Variants in NEGR1 observed in about 807,000 individuals in gnomAD.
NEGR1 encodes the protein neuronal growth regulator 1.
NEGR1 carries 10 observed loss-of-function variants against 40.9 expected under a neutral mutation model. The ratio of observed to expected loss-of-function variants is 0.24; its 90% CI spans 0.15 to 0.42. The LOEUF (loss-of-function observed/expected upper bound fraction) is 0.42. NEGR1 is among the 10% of genes least tolerant of loss of function. The pLI is 1.00. For synonymous variants in NEGR1, 185 were observed against 166.8 expected (o/e 1.11, Z -0.84); for missense variants, 352 against 438.9 (o/e 0.80, Z 1.77).
intron 6 of NEGR1, among the ~76,000 whole-genome samples, chr1:71,558,734 T>C (rs1457339096): frequency 2.7e-5 from 4 of 149,400 alleles, no homozygotes; most frequent in Non-Finnish European, 4.5e-5. Context: ...TTTTTTTTTT[T>C]TTTTTTAGCA....
At chr1:71,902,486 T>C (rs1661167841) in intron 2 of NEGR1, among the ~76,000 whole-genome samples, 1 of 152,222 alleles carries the variant, frequency 6.6e-6, no homozygotes, top group African/African-American at 2.4e-5. Flanking sequence ...TAAAACCTGT[T>C]CTACCCATTG....
intron 6 of NEGR1, among the ~76,000 whole-genome samples, chr1:71,477,138 T>G (rs1646826750): frequency 6.6e-6 from 1 of 152,152 alleles, no homozygotes; most frequent in Admixed American, 6.6e-5. Context: ...TCCACATATT[T>G]AAAAATTGCT....
chr1:72,216,630 A>G (rs1362455027), intron 1 of NEGR1, among the ~76,000 whole-genome samples: 1 of 151,082 alleles, frequency 6.6e-6, no homozygotes, highest in East Asian at 1.9e-4. Flanking sequence ...TAAAGTTAAA[A>G]TAAAGTTCAA....
chr1:71,642,556 G>T (rs1651389438), intron 4 of NEGR1, among the ~76,000 whole-genome samples: 1 of 151,564 alleles, frequency 6.6e-6, no homozygotes, highest in African/African-American at 2.4e-5. Context: ...ACACCAATCA[G>T]ACTCTATTTA....
chr1:72,042,955 A>G (rs1394010120), intron 1 of NEGR1, among the ~76,000 whole-genome samples: 1 of 152,034 alleles, frequency 6.6e-6, no homozygotes, highest in Non-Finnish European at 1.5e-5. Flanking sequence ...TACACTCTAC[A>G]GAGTTGCATG....
At chr1:71,632,034 T>C (rs1209810698) in intron 4 of NEGR1, among the ~76,000 whole-genome samples, 1 of 151,642 alleles carries the variant, frequency 6.6e-6, no homozygotes, top group East Asian at 1.9e-4. Flanking sequence ...TTGTGGCAAG[T>C]AAATGAGGTA....
intron 6 of NEGR1, among the ~76,000 whole-genome samples, chr1:71,587,392 C>A (rs1261683194): frequency 6.6e-6 from 1 of 152,048 alleles, no homozygotes; most frequent in Non-Finnish European, 1.5e-5. Flanking sequence ...CTACTGACTT[C>A]TTTTTTATCT....
chr1:72,038,417 T>C (rs968501695), intron 1 of NEGR1, among the ~76,000 whole-genome samples: 1 of 152,034 alleles, frequency 6.6e-6, no homozygotes, highest in African/African-American at 2.4e-5. Context: ...CCATGATGTT[T>C]CAATAAAAAG....
rs79350929 is a variant in NEGR1 at position 72,066,843 on chromosome 1, C to G, written c.177-131532G>C. 5.3e-5 allele frequency among the ~76,000 whole-genome samples: 8 copies of G among 152,222 alleles called. No individual in the cohort carries two copies. The East Asian group carries it at 1.5e-3, about 29-fold the overall frequency. On this transcript the variant is annotated intron_variant, in intron 1 of 6. Transcript: ENST00000357731. ...ATGGCGCTCCTATCAGACAAAGACACTGACCGAGTCAAAAATTTGGTAACT... is the reference window on the plus strand; with the variant it reads ...ATGGCGCTCCTATCAGACAAAGACAGTGACCGAGTCAAAAATTTGGTAACT...
At chr1:71,815,932 A>G (rs1026312752) in intron 2 of NEGR1, among the ~76,000 whole-genome samples, 4 of 152,034 alleles carry the variant, frequency 2.6e-5, no homozygotes, top group African/African-American at 9.7e-5. Flanking sequence ...CTTTCATAGA[A>G]CTTTGCTACT....
chr1:71,996,429 T>G (rs563463615), intron 1 of NEGR1, among the ~76,000 whole-genome samples: 2 of 152,138 alleles, frequency 1.3e-5, no homozygotes, highest in Non-Finnish European at 2.9e-5. Context: ...GTTTCAAACC[T>G]TTTCTAAAAC....
intron 2 of NEGR1, among the ~76,000 whole-genome samples, chr1:71,785,322 T>C (rs1003244515): frequency 2.6e-5 from 4 of 152,150 alleles, no homozygotes; most frequent in African/African-American, 7.2e-5. Flanking sequence ...AACACCGCAA[T>C]TGAAATACCT....
At chr1:71,767,704 A>G (rs1021917593) in intron 3 of NEGR1, among the ~76,000 whole-genome samples, 2 of 152,176 alleles carry the variant, frequency 1.3e-5, no homozygotes, top group African/African-American at 4.8e-5. Context: ...AAATGAGGAA[A>G]AGATCTCAAA....
chr1:71,594,568 T>C (rs2101523581), intron 5 of NEGR1, among the ~76,000 whole-genome samples: 1 of 152,304 alleles, frequency 6.6e-6, no homozygotes, highest in South Asian at 2.1e-4. Flanking sequence ...TAAATAAACA[T>C]TGAACAAACT....
chr1:72,207,703 A>C, intron 1 of NEGR1, among the ~76,000 whole-genome samples: 1 of 151,780 alleles, frequency 6.6e-6, no homozygotes, highest in East Asian at 1.9e-4. Flanking sequence ...TACTGGATTT[A>C]ATGTATCATC....
At chr1:72,154,188 G>T (rs1651270759) in intron 1 of NEGR1, among the ~76,000 whole-genome samples, 1 of 151,748 alleles carries the variant, frequency 6.6e-6, no homozygotes, top group South Asian at 2.1e-4. Flanking sequence ...CAATAGGTTT[G>T]ATGCAATGAA....
At chr1:71,702,387 T>C (rs749696085) in intron 3 of NEGR1, among the ~76,000 whole-genome samples, 24 of 152,032 alleles carry the variant, frequency 1.6e-4, no homozygotes, top group Non-Finnish European at 2.6e-4. Flanking sequence ...ATAATATCAC[T>C]GTCATAACTT....
intron 1 of NEGR1, among the ~76,000 whole-genome samples, chr1:72,188,238 G>T (rs1185486118): frequency 6.6e-6 from 1 of 151,348 alleles, no homozygotes; most frequent in African/African-American, 2.4e-5. Context: ...CTTTCAAAAG[G>T]CTCAGTTTTA....
At chr1:71,416,489 T>A (rs1255475979) in intron 6 of NEGR1, among the ~76,000 whole-genome samples, 1 of 152,184 alleles carries the variant, frequency 6.6e-6, no homozygotes, top group East Asian at 1.9e-4. Flanking sequence ...TGTTCTTCGA[T>A]TTTTCCAGTG....
Sources: allele counts gnomAD v4.1 joint callset (sites outside exome capture counted in the v4.1 genomes callset), GRCh38; gene constraint gnomAD v4.1.1; transcripts MANE v1.5; gene names NCBI Gene and HGNC (gene_info 2026-07-23, HGNC 2026-07-21).